The following HYDIN variants were observed in gnomAD, a reference collection of about 807,000 sequenced individuals.
HYDIN encodes the protein axonemal central pair apparatus protein HYDIN.
A neutral mutation model predicts 403.9 loss-of-function variants in HYDIN; 132 were observed. The observed-to-expected ratio is 0.33, with a 90% CI of 0.28 to 0.38. HYDIN has a LOEUF of 0.38. HYDIN is among the 10% of genes least tolerant of loss of function. The pLI, the probability that HYDIN is intolerant of heterozygous loss-of-function variation, is 1.00. For missense variants in HYDIN, 2,827 were observed against 5,009.5 expected (o/e 0.56, Z 13.15); for synonymous variants, 1,202 against 1,891.7 (o/e 0.64, Z 9.46).
At chr16:71,153,263 T>C (rs1001226663) in intron 6 of HYDIN, among the ~76,000 whole-genome samples, 11 of 151,996 alleles carry the variant, frequency 7.2e-5, no homozygotes, top group African/African-American at 1.9e-4. Flanking sequence ...GGCATCATAG[T>C]GGAAAAATAT....
chr16:71,165,687 A>C (rs1420501737), intron 5 of HYDIN, among the ~76,000 whole-genome samples: 3 of 152,116 alleles, frequency 2.0e-5, no homozygotes, highest in African/African-American at 7.2e-5. Context: ...GACGGGAAAT[A>C]AATCATGATA....
chr16:70,882,702 G>A lies in HYDIN; in HGVS notation c.10173C>T (p.Ile3391=), dbSNP rs1343501826. ...ARFKISNVGK[I]TCDVNIVVRP... ...TGACTACAATGTTGACATCACAGGT[G>A]ATCTTTCCCACGTTGCTGATCTTGA... The change falls in exon 60 of 86, where the codon ATC becomes ATT. Residue 3391 remains isoleucine, a synonymous_variant. Transcript: ENST00000393567. The A allele has an allele frequency of 7.1e-7, 1 of 1,407,150 alleles. No individual in the cohort carries two copies. Among genetic ancestry groups the A allele is most frequent in the African/African-American group, 1.4e-5 (1 of 71,068 alleles). The allele number at this position is 1,407,150 out of a possible 1,614,324, so 87.2% of individuals were successfully genotyped here. A position where few individuals can be genotyped will look rare whatever the true frequency, so the allele number is the denominator to read the frequency against.
intron 23 of HYDIN, among the ~76,000 whole-genome samples, chr16:71,001,660 CTT>C (rs1433174401): frequency 6.6e-6 from 1 of 150,572 alleles, no homozygotes; most frequent in Non-Finnish European, 1.5e-5. Context: ...TCATTTTCCT[CTT>C]GAGTCACAGG....
At chr16:71,221,228 C>A (rs955312417) in intron 1 of HYDIN, among the ~76,000 whole-genome samples, 20 of 151,548 alleles carry the variant, frequency 1.3e-4, no homozygotes, top group Admixed American at 2.0e-4. Flanking sequence ...GGGACGATTC[C>A]TTGGCACCTA....
At position 70,951,248 on chromosome 16, in the gene HYDIN, C is replaced by CAGAGAGAGAG. The variant is rs376262243; in HGVS notation, c.6531+1163_6531+1172dup. Among the ~76,000 whole-genome samples, 250 of 130,192 alleles carry CAGAGAGAGAG rather than the reference C, an allele frequency of 1.9e-3. 1 individual carries two copies. Among genetic ancestry groups the CAGAGAGAGAG allele is most frequent in the South Asian group, 5.1e-3 (20 of 3,892 alleles). The allele number at this position is 130,192 out of a possible 152,430, so 85.4% of individuals were successfully genotyped here. On this transcript the variant is annotated intron_variant, in intron 41 of 85. Coordinates refer to ENST00000393567, the MANE Select transcript of HYDIN (RefSeq NM_001270974.2). Reference sequence around the variant, plus strand: ...AGACCCTGACTCTAGGGAAAAGGGACAGAGAGAGAGAGAGAGAGAGAGAGA... The same window carrying CAGAGAGAGAG: ...AGACCCTGACTCTAGGGAAAAGGGACAGAGAGAGAGAGAGAGAGAGAGAGAGAGAGAGAGA...
In HYDIN at chr16:71,067,444, C is replaced by T. The variant is rs113014845; in HGVS notation, c.1975-54G>A. 304 of 1,091,932 alleles carry T rather than the reference C, an allele frequency of 2.8e-4. 2 individuals are homozygous for T. In the African/African-American group the frequency reaches 3.2e-3, roughly 12 times the overall value. The allele number at this position is 1,091,932 out of a possible 1,614,324, so 67.6% of individuals were successfully genotyped here. A position where few individuals can be genotyped will look rare whatever the true frequency, so the allele number is the denominator to read the frequency against. On this transcript the variant is annotated intron_variant, in intron 14 of 85. Transcript: ENST00000393567. ...TTCGAAAAAGCACGTTCTCTCTACA[C>T]GGGGGAGGGGAGCCTCCGGAGGACT...
intron 27 of HYDIN, among the ~76,000 whole-genome samples, chr16:70,985,793 A>G (rs979314664): frequency 1.3e-5 from 2 of 151,914 alleles, no homozygotes; most frequent in African/African-American, 4.8e-5. Flanking sequence ...TGATGAGTTC[A>G]TGTCTTTGTG....
chr16:70,961,579 A>G (rs1035784769), intron 38 of HYDIN, among the ~76,000 whole-genome samples: 1 of 152,210 alleles, frequency 6.6e-6, no homozygotes, highest in African/African-American at 2.4e-5. Context: ...TAATGCTGGG[A>G]GGTCAAGAGA....
chr16:71,192,200 C>T (rs2087470830), intron 1 of HYDIN, among the ~76,000 whole-genome samples: 1 of 152,160 alleles, frequency 6.6e-6, no homozygotes, highest in Admixed American at 6.5e-5. Flanking sequence ...CCTCACCTTG[C>T]TTGTGACTCT....
intron 18 of HYDIN, among the ~76,000 whole-genome samples, chr16:71,055,173 C>T (rs1185574536): frequency 7.2e-5 from 11 of 152,298 alleles, no homozygotes; most frequent in South Asian, 2.1e-4. Flanking sequence ...TAAAGTTAGG[C>T]GGTTCATTAG....
intron 1 of HYDIN, among the ~76,000 whole-genome samples, chr16:71,220,918 C>T (rs1355469700): frequency 1.3e-5 from 2 of 152,144 alleles, no homozygotes; most frequent in Non-Finnish European, 2.9e-5. Flanking sequence ...TTTTCAGCTT[C>T]TCAAAAGCAT....
At chr16:71,173,650 T>C (rs1284731981) in intron 5 of HYDIN, among the ~76,000 whole-genome samples, 2 of 152,216 alleles carry the variant, frequency 1.3e-5, no homozygotes, top group Non-Finnish European at 2.9e-5. Context: ...GTTCCCTCTA[T>C]ACCTCTATCC....
At chr16:71,175,523 AG>A in intron 5 of HYDIN, 83 bp downstream of exon 5, 1 of 1,335,470 alleles carries the variant, frequency 7.5e-7, no homozygotes, top group Non-Finnish European at 1.1e-6. Context: ...CACCACCACC[AG>A]CACTACCGCC....
At chr16:71,056,047 G>C (rs140847268) in intron 18 of HYDIN, among the ~76,000 whole-genome samples, 1,955 of 151,856 alleles carry the variant, frequency 0.013, 52 homozygotes, top group African/African-American at 0.045. Flanking sequence ...CTTCCTGATA[G>C]AGCTCCCTGC....
intron 5 of HYDIN, among the ~76,000 whole-genome samples, chr16:71,171,793 A>G (rs2086473324): frequency 6.6e-6 from 1 of 152,204 alleles, no homozygotes; most frequent in Non-Finnish European, 1.5e-5. Context: ...CCCTTTTTAC[A>G]TGCTCTTCTC....
Position 70,804,700 on chromosome 16 carries a change from C to T in HYDIN, c.*2880G>A, listed in dbSNP as rs938340431. Among the ~76,000 whole-genome samples the T allele has an allele frequency of 1.1e-4, 16 of 152,168 alleles. No individual in the cohort carries two copies. The highest frequency in any genetic ancestry group is 4.6e-4 in the Admixed American group (7 of 15,274). ...GAACTATGATCTTTAGCAGGGTCTA[C>T]GTGATTCTGAAACAGCAGGCACCAA... On this transcript the variant is annotated 3_prime_UTR_variant, in exon 86 of 86. Coordinates refer to ENST00000393567, the MANE Select transcript of HYDIN (RefSeq NM_001270974.2).
At chr16:71,137,832 C>T (rs2084992088) in intron 7 of HYDIN, among the ~76,000 whole-genome samples, 1 of 151,814 alleles carries the variant, frequency 6.6e-6, no homozygotes, top group South Asian at 2.1e-4. Flanking sequence ...AATTCAGTAA[C>T]TTCAAAAATA....
intron 35 of HYDIN, among the ~76,000 whole-genome samples, chr16:70,972,106 T>C (rs1291568765): frequency 1.3e-5 from 2 of 150,478 alleles, no homozygotes; most frequent in Non-Finnish European, 3.0e-5. Context: ...ATCCACAATC[T>C]TGAGTAAACC....
intron 23 of HYDIN, among the ~76,000 whole-genome samples, chr16:70,996,800 A>G (rs972385036): frequency 3.3e-5 from 5 of 149,916 alleles, no homozygotes; most frequent in South Asian, 2.1e-4. Context: ...GCGGTCCCCA[A>G]CCTTTTTGGC....
Sources: allele counts gnomAD v4.1 joint callset (sites outside exome capture counted in the v4.1 genomes callset), GRCh38; gene constraint gnomAD v4.1.1; transcripts MANE v1.5; gene names NCBI Gene and HGNC (gene_info 2026-07-23, HGNC 2026-07-21).